MICAL3: variants seen among roughly 807,000 people sequenced by gnomAD.
MICAL3 encodes the protein microtubule associated monooxygenase, calponin and LIM domain containing 3, also known as [F-actin]-monooxygenase MICAL3.
MICAL3 carries 62 observed loss-of-function variants against 207.4 expected under a neutral mutation model. That is an observed-to-expected ratio of 0.30 (90% CI 0.24 to 0.37). MICAL3 has a LOEUF of 0.37. Among genes scored for constraint, MICAL3 ranks in the 10% least tolerant of loss-of-function variants. The pLI, the probability that MICAL3 is intolerant of heterozygous loss-of-function variation, is 1.00. For missense variants in MICAL3, 2,368 were observed against 2,635.6 expected (o/e 0.90, Z 2.22); for synonymous variants, 1,077 against 1,069.3 (o/e 1.01, Z -0.14).
At chr22:17,926,916 T>C (rs138994988) in intron 1 of MICAL3, among the ~76,000 whole-genome samples, 264 of 152,166 alleles carry the variant, frequency 1.7e-3, no homozygotes, top group Middle Eastern at 6.8e-3. Context: ...TGGTTTATTT[T>C]CTTATTGTGT....
At chr22:17,969,761 G>C (rs895107050) in intron 1 of MICAL3, among the ~76,000 whole-genome samples, 1 of 152,242 alleles carries the variant, frequency 6.6e-6, no homozygotes, top group Non-Finnish European at 1.5e-5. Context: ...GAACAGCTGT[G>C]AGAAGCGCAG....
At chr22:17,979,909 C>T (rs978015592) in intron 1 of MICAL3, among the ~76,000 whole-genome samples, 19 of 152,182 alleles carry the variant, frequency 1.2e-4, no homozygotes, top group African/African-American at 4.6e-4. Flanking sequence ...TTCACTACAG[C>T]CTTGACCTCC....
intron 17 of MICAL3, among the ~76,000 whole-genome samples, chr22:17,871,083 A>G (rs1304394558): frequency 6.6e-6 from 1 of 152,200 alleles, no homozygotes; most frequent in Non-Finnish European, 1.5e-5. Flanking sequence ...TCTGGAATCT[A>G]TAAGACTGCC....
chr22:17,873,405 T>G (rs536612403), intron 16 of MICAL3, among the ~76,000 whole-genome samples: 1 of 152,374 alleles, frequency 6.6e-6, no homozygotes, highest in South Asian at 2.1e-4. Context: ...GACCCCACAA[T>G]GCCTGCCACA....
intron 1 of MICAL3, among the ~76,000 whole-genome samples, chr22:17,928,952 G>A (rs1046766498): frequency 3.4e-4 from 52 of 152,094 alleles, no homozygotes; most frequent in African/African-American, 1.2e-3. Flanking sequence ...CCGCCACCAC[G>A]CCTGGCTAAT....
chr22:17,823,985 G>A (rs1038921576), intron 22 of MICAL3, among the ~76,000 whole-genome samples: 1 of 152,202 alleles, frequency 6.6e-6, no homozygotes, highest in Non-Finnish European at 1.5e-5. Context: ...CTGAAGGTAC[G>A]TAAAGTTCAT....
chr22:17,879,226 G>T, intron 16 of MICAL3: 2 of 739,846 alleles, frequency 2.7e-6, no homozygotes, highest in Non-Finnish European at 4.3e-6. Flanking sequence ...GGTGACAAGA[G>T]CGTGCAAAAA....
chr22:17,909,449 C>T (rs956744852), intron 1 of MICAL3, among the ~76,000 whole-genome samples: 3 of 152,184 alleles, frequency 2.0e-5, no homozygotes, highest in South Asian at 2.1e-4. Context: ...TGCTTGAATT[C>T]GGGAGGCGGA....
At chr22:17,984,174 C>T (rs5992947) in intron 1 of MICAL3, among the ~76,000 whole-genome samples, 2,671 of 152,268 alleles carry the variant, frequency 0.018, 72 homozygotes, top group African/African-American at 0.058. Context: ...TTCTGCCCCA[C>T]TCTCAACACC....
At chr22:17,794,199 G>A (rs1003151664) in intron 29 of MICAL3, among the ~76,000 whole-genome samples, 7 of 152,234 alleles carry the variant, frequency 4.6e-5, no homozygotes, top group Admixed American at 4.6e-4. Flanking sequence ...TATCAGGAGG[G>A]CAGTGGCATC....
chr22:17,947,743 A>AT (rs398121717), intron 1 of MICAL3, among the ~76,000 whole-genome samples: 2 of 151,356 alleles, frequency 1.3e-5, no homozygotes, highest in African/African-American at 4.9e-5. Flanking sequence ...ATTTTCTTAA[A>AT]TTTTTTGTAG....
chr22:17,820,857 T>TA (rs1921513956), intron 25 of MICAL3, among the ~76,000 whole-genome samples: 24 of 145,470 alleles, frequency 1.6e-4, no homozygotes, highest in African/African-American at 6.1e-4. Flanking sequence ...AATAAATTTG[T>TA]TCTAATAAAT....
chr22:17,951,280 G>A (rs1052553659), intron 1 of MICAL3, among the ~76,000 whole-genome samples: 1 of 138,322 alleles, frequency 7.2e-6, no homozygotes, highest in Non-Finnish European at 1.5e-5. Flanking sequence ...ATCTGGACCC[G>A]GGGTCCGTCA....
intron 10 of MICAL3, among the ~76,000 whole-genome samples, chr22:17,894,796 CAAA>C (rs549154429): frequency 3.8e-5 from 3 of 78,308 alleles, no homozygotes. Context: ...GATTCCATCT[CAAA>C]AAAAAAAAAA....
At chr22:17,998,165 G>A (rs747874114) in intron 1 of MICAL3, among the ~76,000 whole-genome samples, 5 of 152,138 alleles carry the variant, frequency 3.3e-5, no homozygotes, top group Non-Finnish European at 7.4e-5. Flanking sequence ...TTAGCAGGGC[G>A]TGGTGGCAGG....
At chr22:17,879,445 T>C (rs777216032) in intron 16 of MICAL3, 7 of 1,554,192 alleles carry the variant, frequency 4.5e-6, no homozygotes, top group Non-Finnish European at 6.2e-6. Context: ...TGCATATCGC[T>C]CTATTTGGAC....
chr22:17,889,200 C>T lies in MICAL3; in HGVS notation c.1725G>A (p.Val575=). The T allele has an allele frequency of 1.2e-6, 2 of 1,612,468 alleles. No individual in the cohort carries two copies. The highest frequency in any genetic ancestry group is 1.7e-4 in the Middle Eastern group (1 of 6,054). The change falls in exon 13 of 32, where the codon GTG becomes GTA. Residue 575 remains valine, a synonymous_variant. Transcript: ENST00000441493. The part of the protein sequence containing the change: ...IDFDSLDEQN[V]EKNNQLAFDI... ...CAAAGGCCAGTTGGTTATTCTTCTC[C>T]ACATTTTGCTCATCCAAAGAATCAA... is the stretch of plus-strand genomic sequence containing the variant.
intron 11 of MICAL3, among the ~76,000 whole-genome samples, chr22:17,892,519 C>T (rs1040489917): frequency 1.3e-5 from 2 of 152,046 alleles, no homozygotes; most frequent in Admixed American, 6.5e-5. Flanking sequence ...TTAGGTTTTT[C>T]GCCATGAAAA....
chr22:17,844,483 C>A (rs551962428), intron 19 of MICAL3, among the ~76,000 whole-genome samples: 1 of 152,130 alleles, frequency 6.6e-6, no homozygotes, highest in Admixed American at 6.5e-5. Flanking sequence ...TTTAATGAAC[C>A]CTGGTAGTCA....
Sources: allele counts gnomAD v4.1 joint callset (sites outside exome capture counted in the v4.1 genomes callset), GRCh38; gene constraint gnomAD v4.1.1; transcripts MANE v1.5; gene names NCBI Gene and HGNC (gene_info 2026-07-23, HGNC 2026-07-21).